The following ARHGEF7 variants were observed in gnomAD, a reference collection of about 807,000 sequenced individuals.
The protein encoded by ARHGEF7 is PAK-interacting exchange factor beta.
ARHGEF7 carries 33 observed loss-of-function variants against 109.8 expected under a neutral mutation model. That is an observed-to-expected ratio of 0.30 (90% CI 0.23 to 0.40). The LOEUF is 0.40. ARHGEF7 is among the 10% of genes least tolerant of loss of function. ARHGEF7 has a pLI of 1.00. For synonymous variants in ARHGEF7, 458 were observed against 424.6 expected, an observed-to-expected ratio of 1.08 and a Z score of -0.97; for missense variants, 938 against 1,098.5, an observed-to-expected ratio of 0.85 and a Z score of 2.07.
intron 8 of ARHGEF7, among the ~76,000 whole-genome samples, chr13:111,247,471 A>T (rs1194806958): frequency 6.6e-6 from 1 of 152,114 alleles, no homozygotes; most frequent in Non-Finnish European, 1.5e-5. Context: ...GGGTTTCACC[A>T]TGTTGGTCAG....
At chr13:111,151,608 T>C (rs1300982902) in intron 1 of ARHGEF7, among the ~76,000 whole-genome samples, 1 of 152,238 alleles carries the variant, frequency 6.6e-6, no homozygotes, top group African/African-American at 2.4e-5. Context: ...CAGCCTCATG[T>C]ACAGATGTGA....
intron 8 of ARHGEF7, among the ~76,000 whole-genome samples, chr13:111,248,336 A>G (rs1447239954): frequency 6.6e-6 from 1 of 151,294 alleles, no homozygotes; most frequent in Non-Finnish European, 1.5e-5. Context: ...TTTTGCCTTT[A>G]TTTTAGGTTT....
intron 2 of ARHGEF7, among the ~76,000 whole-genome samples, chr13:111,187,779 G>A (rs1468888217): frequency 6.6e-6 from 1 of 152,212 alleles, no homozygotes; most frequent in African/African-American, 2.4e-5. Context: ...AAACATTGGA[G>A]TGTCCTTCTG....
chr13:111,195,017 GT>G (rs1157313977), intron 2 of ARHGEF7, among the ~76,000 whole-genome samples: 1 of 152,196 alleles, frequency 6.6e-6, no homozygotes, highest in East Asian at 1.9e-4. Flanking sequence ...TGACGATTGG[GT>G]TTTTGTACCC....
intron 8 of ARHGEF7, among the ~76,000 whole-genome samples, chr13:111,257,106 T>G (rs1421797974): frequency 6.6e-6 from 1 of 152,220 alleles, no homozygotes; most frequent in Non-Finnish European, 1.5e-5. Flanking sequence ...TTATGAGCCT[T>G]TCTTGTTGCT....
chr13:111,152,655 G>A (rs1432993339), intron 1 of ARHGEF7, among the ~76,000 whole-genome samples: 1 of 152,164 alleles, frequency 6.6e-6, no homozygotes, highest in Non-Finnish European at 1.5e-5. Context: ...TTCTCCTACA[G>A]TACAGAAGGA....
At chr13:111,141,120 A>G (rs1400573398) in intron 1 of ARHGEF7, among the ~76,000 whole-genome samples, 1 of 152,116 alleles carries the variant, frequency 6.6e-6, no homozygotes. Flanking sequence ...AGTATGATGC[A>G]CCTGTTACAA....
chr13:111,212,437 C>T (rs954977332), intron 4 of ARHGEF7, among the ~76,000 whole-genome samples: 3 of 152,126 alleles, frequency 2.0e-5, no homozygotes, highest in African/African-American at 7.2e-5. Context: ...ACTCTTTGTT[C>T]GACACCGCTG....
At chr13:111,115,933 G>T (rs1179696526) in intron 1 of ARHGEF7, among the ~76,000 whole-genome samples, 2 of 151,460 alleles carry the variant, frequency 1.3e-5, no homozygotes, top group Non-Finnish European at 3.0e-5. Context: ...GGCGGCGGGG[G>T]TCCCCGGGAA....
At chr13:111,160,335 T>G (rs867917538) in intron 2 of ARHGEF7, among the ~76,000 whole-genome samples, 41 of 123,708 alleles carry the variant, frequency 3.3e-4, no homozygotes, top group African/African-American at 1.1e-3. Context: ...GTTATTGGGG[T>G]TTTTTTTTTT....
rs1033681531 is a variant in ARHGEF7, at chr13:111,281,872, C to A, written c.1725+1195C>A. On this transcript the variant is annotated intron_variant, in intron 15 of 21. Coordinates refer to ENST00000646102, the MANE Select transcript of ARHGEF7 (RefSeq NM_001354046.2). ...GTTTAAAATGTTCTGCATTCTCCTACAGAGTTTCTTGTGTGGGATGATGTA... is the reference window on the plus strand; with the variant it reads ...GTTTAAAATGTTCTGCATTCTCCTAAAGAGTTTCTTGTGTGGGATGATGTA... Among the ~76,000 whole-genome samples the A allele has an allele frequency of 2.0e-5, 3 of 152,210 alleles. No homozygotes were observed. The South Asian group carries it at 6.2e-4, about 32-fold the overall frequency.
chr13:111,205,961 T>G (rs1594705814), intron 3 of ARHGEF7, among the ~76,000 whole-genome samples: 1 of 152,212 alleles, frequency 6.6e-6, no homozygotes, highest in South Asian at 2.1e-4. Flanking sequence ...ACAGGTCCTC[T>G]GAGGGAAGGT....
intron 6 of ARHGEF7, among the ~76,000 whole-genome samples, chr13:111,233,800 C>G (rs562004955): frequency 3.3e-5 from 5 of 152,110 alleles, no homozygotes; most frequent in African/African-American, 4.8e-5. Flanking sequence ...ACAGGTGTTT[C>G]TGGATCCTAA....
At chr13:111,274,234 T>C (rs1275537654) in intron 10 of ARHGEF7, among the ~76,000 whole-genome samples, 2 of 152,216 alleles carry the variant, frequency 1.3e-5, no homozygotes, top group African/African-American at 2.4e-5. Context: ...CTTACCTGGA[T>C]CATCCAGCTA....
chr13:111,209,924 A>G lies in ARHGEF7; in HGVS notation c.390A>G (p.Ile130Met). ...SVCARPSSHR[I>M]KSFDSLGSQS... is the part of the protein sequence containing the mutation. The stretch of plus-strand genomic sequence containing the variant: ...GTGCCCGGCCCTCGTCTCACCGCAT[A>G]AAGTCTTTTGACTCCCTTGGATCAC... Residue 130 changes from isoleucine (I) to methionine (M), a missense_variant, in exon 4 of 22, where the codon ATA (isoleucine) becomes ATG (methionine). Coordinates refer to ENST00000646102, the MANE Select transcript of ARHGEF7 (RefSeq NM_001354046.2). 4 of 1,614,196 alleles carry G rather than the reference A, an allele frequency of 2.5e-6. No homozygotes were observed. Among genetic ancestry groups the G allele is most frequent in the East Asian group, 2.2e-5 (1 of 44,888 alleles).
rs1260099187 is a variant in ARHGEF7 at position 111,131,080 on chromosome 13, C to T, written c.165+15389C>T. Among the ~76,000 whole-genome samples the T allele has an allele frequency of 6.6e-6, 1 of 152,214 alleles. No homozygotes were observed. Among genetic ancestry groups the T allele is most frequent in the Non-Finnish European group, 1.5e-5 (1 of 68,032 alleles). ...TAAGGGAAGAATGATATGATCAGTT[C>T]TGTGCTTTGAAAACAATACTCTAGC... On this transcript the variant is annotated intron_variant, in intron 1 of 21. Coordinates refer to ENST00000646102, the MANE Select transcript of ARHGEF7 (RefSeq NM_001354046.2). This position sits in a 1 kb window ranked among gnomAD's most constrained non-coding sequence, Gnocchi z 4.4.
chr13:111,189,495 T>G (rs368161425), intron 2 of ARHGEF7, among the ~76,000 whole-genome samples: 1 of 152,106 alleles, frequency 6.6e-6, no homozygotes, highest in Non-Finnish European at 1.5e-5. Flanking sequence ...TTGCTGACTT[T>G]AGGAATGAAG....
At chr13:111,117,264 T>C (rs1345451501) in intron 1 of ARHGEF7, among the ~76,000 whole-genome samples, 3 of 152,264 alleles carry the variant, frequency 2.0e-5, no homozygotes, top group Admixed American at 2.0e-4. Flanking sequence ...CCGACTTCAA[T>C]AATCATTTTC....
chr13:111,294,128 A>G (rs2093367832), intron 19 of ARHGEF7: 2 of 985,404 alleles, frequency 2.0e-6, no homozygotes, highest in Non-Finnish European at 1.2e-6. Context: ...TCCGGCAGAG[A>G]TGGGGTTTAT....
Sources: gnomAD v4.1 joint callset for allele counts (sites outside exome capture counted in the v4.1 genomes callset) on GRCh38, gnomAD v4.1.1 for gene constraint, Gnocchi (gnomAD v3.1) non-coding constraint, MANE v1.5 for transcripts, NCBI Gene and HGNC (gene_info 2026-07-23, HGNC 2026-07-21) for gene names.